PDPN: variants seen among roughly 807,000 people sequenced by gnomAD.
PDPN encodes podoplanin, also known as PA2.26 antigen.
PDPN carries 12 observed loss-of-function variants against 23.2 expected under a neutral mutation model. The observed-to-expected ratio is 0.52, with a 90% confidence interval of 0.33 to 0.84. The LOEUF (loss-of-function observed/expected upper bound fraction) is 0.84. Among genes scored for constraint, PDPN ranks in the 40% least tolerant of loss-of-function variants. PDPN has a pLI of 0.02. For synonymous variants in PDPN, 77 were observed against 76.7 expected, an observed-to-expected ratio of 1.00 and a Z score of -0.02; for missense variants, 199 against 212.2, an observed-to-expected ratio of 0.94 and a Z score of 0.39.
At position 13,584,113 on chromosome 1, in the gene PDPN, G is replaced by A. The variant is rs752879040; in HGVS notation, c.67+13G>A. ...CTGGCAGAAGGAGGTAAGACCCAGC[G>A]CAAGTGGCTTCCTGCCGTCGCTGAT... On this transcript the variant is annotated intron_variant, in intron 1 of 5. Transcript: ENST00000621990. The A allele has an allele frequency of 1.9e-6, 3 of 1,612,316 alleles. No individual in the cohort carries two copies. The highest frequency in any genetic ancestry group is 1.1e-5 in the South Asian group (1 of 91,062).
At position 13,614,358 on chromosome 1, in the gene PDPN, C is replaced by A; in HGVS notation, c.429C>A (p.Gly143=). ...TAGTTGGGGTCTTACTAGCCATCGG[C>A]TTCATTGGTGCAATCATCGTTGTGG... ...GIIVGVLLAI[G]FIGAIIVVVM... The change falls in exon 5 of 6, where the codon GGC becomes GGA. Residue 143 remains glycine, a synonymous_variant. Transcript: ENST00000621990. 6.2e-7 allele frequency: 1 copy of A among 1,610,024 alleles called. No homozygotes were observed. The highest frequency in any genetic ancestry group is 8.5e-7 in the Non-Finnish European group (1 of 1,176,268).
intron 4 of PDPN, among the ~76,000 whole-genome samples, chr1:13,613,949 T>C (rs1217969825): frequency 6.6e-6 from 1 of 151,664 alleles, no homozygotes; most frequent in Non-Finnish European, 1.5e-5. Flanking sequence ...GATGAGTCTA[T>C]TCCCTTAATG....
intron 1 of PDPN, among the ~76,000 whole-genome samples, chr1:13,590,666 G>C (rs1248392242): frequency 6.6e-6 from 1 of 152,164 alleles, no homozygotes; most frequent in African/African-American, 2.4e-5. Flanking sequence ...GAGGCTGGGG[G>C]TTAGAAGGGT....
chr1:13,584,804 C>T (rs907489126), intron 1 of PDPN, among the ~76,000 whole-genome samples: 1 of 152,150 alleles, frequency 6.6e-6, no homozygotes, highest in African/African-American at 2.4e-5. Flanking sequence ...ACATCAGTGG[C>T]TGAATGTCTG....
chr1:13,615,435 A>G (rs765206839), intron 5 of PDPN, among the ~76,000 whole-genome samples: 3 of 151,698 alleles, frequency 2.0e-5, no homozygotes, highest in Non-Finnish European at 4.4e-5. Flanking sequence ...ACAGGCATGC[A>G]CCACCACACC....
chr1:13,609,369 C>T (rs1308133275), intron 2 of PDPN, among the ~76,000 whole-genome samples: 2 of 152,146 alleles, frequency 1.3e-5, no homozygotes, highest in Non-Finnish European at 2.9e-5. Context: ...ATATTATTCA[C>T]ATTATAGTCC....
intron 1 of PDPN, among the ~76,000 whole-genome samples, chr1:13,587,827 G>C (rs995440122): frequency 2.6e-5 from 4 of 152,164 alleles, no homozygotes; most frequent in Non-Finnish European, 4.4e-5. Flanking sequence ...GGAAAACAAG[G>C]TGACTGTTTC....
intron 3 of PDPN, among the ~76,000 whole-genome samples, chr1:13,610,919 A>G (rs1464357288): frequency 6.6e-6 from 1 of 152,244 alleles, no homozygotes; most frequent in Non-Finnish European, 1.5e-5. Flanking sequence ...GTCTGCATGC[A>G]TGGTGCAAGA....
In PDPN at chr1:13,614,412, G is replaced by T; in HGVS notation, c.482+1G>T. ...TGCGAAAAATGTCGGGAAGGTACTC[G>T]TAAGTAAATAGCTTACACCCATGTG... On this transcript the variant is annotated splice_donor_variant, in intron 5 of 5. Coordinates refer to ENST00000621990, the MANE Select transcript of PDPN (RefSeq NM_006474.5). LOFTEE classifies it high-confidence loss of function. 6.9e-7 allele frequency: 1 copy of T among 1,439,982 alleles called. No homozygotes were observed. The highest frequency in any genetic ancestry group is 2.3e-5 in the East Asian group (1 of 43,990). 89.2% of individuals were successfully genotyped at this position (1,439,982 alleles called of 1,614,324 possible). A position where few individuals can be genotyped will look rare whatever the true frequency, so the allele number is the denominator to read the frequency against.
At chr1:13,599,917 G>A (rs1218634782) in intron 1 of PDPN, among the ~76,000 whole-genome samples, 2 of 152,152 alleles carry the variant, frequency 1.3e-5, no homozygotes, top group Non-Finnish European at 2.9e-5. Context: ...ACAGTTAAGC[G>A]GGGAGAGGGC....
chr1:13,605,740 A>C (rs1038363137), intron 1 of PDPN, among the ~76,000 whole-genome samples: 2 of 152,076 alleles, frequency 1.3e-5, no homozygotes, highest in African/African-American at 4.8e-5. Flanking sequence ...CTCCTGCCTC[A>C]GCCTCCCAAG....
chr1:13,596,414 A>G (rs1640498496), intron 1 of PDPN, among the ~76,000 whole-genome samples: 1 of 152,106 alleles, frequency 6.6e-6, no homozygotes, highest in Non-Finnish European at 1.5e-5. Flanking sequence ...AGATTAATTC[A>G]CAGTTCTCTA....
chr1:13,588,198 G>A (rs1457882052), intron 1 of PDPN, among the ~76,000 whole-genome samples: 2 of 151,924 alleles, frequency 1.3e-5, no homozygotes. Flanking sequence ...CATCCAGAGA[G>A]GCCAGGCCAC....
At position 13,607,372 on chromosome 1, in the gene PDPN, A is replaced by G. The variant is rs949325759; in HGVS notation, c.201+66A>G. The G allele has an allele frequency of 5.8e-6, 7 of 1,204,156 alleles. No individual in the cohort carries two copies. In the African/African-American group the frequency reaches 9.4e-5, roughly 16 times the overall value. The allele number at this position is 1,204,156 out of a possible 1,614,324, so 74.6% of individuals were successfully genotyped here. A position where few individuals can be genotyped will look rare whatever the true frequency, so the allele number is the denominator to read the frequency against. ...GTGATCACATGCAAGGCTATGATGT[A>G]TATTAATTTACTTTATATAAAAATA... On this transcript the variant is annotated intron_variant, in intron 2 of 5. Transcript: ENST00000621990.
chr1:13,595,855 A>G (rs1164804979), intron 1 of PDPN: 1 of 1,288,012 alleles, frequency 7.8e-7, no homozygotes, highest in African/African-American at 1.5e-5. Flanking sequence ...TCGGGGGTGA[A>G]GCCTGGTGGA....
Position 13,616,058 on chromosome 1 carries a change from C to T in PDPN, c.*147C>T, listed in dbSNP as rs543876980. 1.4e-6 allele frequency: 1 copy of T among 720,422 alleles called. No homozygotes were observed. The highest frequency in any genetic ancestry group is 1.8e-5 in the African/African-American group (1 of 56,344). 44.6% of individuals were successfully genotyped at this position (720,422 alleles called of 1,614,324 possible). ...AATCCACGGTGACCTCTCCGCTTGC[C>T]AAAATAACCGAAGGAAAGACCGTTC... is the stretch of plus-strand genomic sequence containing the variant. On this transcript the variant is annotated 3_prime_UTR_variant, in exon 6 of 6. Transcript: ENST00000621990.
intron 5 of PDPN, 134 bp from the exon 6 acceptor site, chr1:13,615,771 A>G: frequency 2.3e-6 from 2 of 860,284 alleles, no homozygotes; most frequent in Non-Finnish European, 3.9e-6. Context: ...GAGGAATGTC[A>G]GGAACAAGAG....
At chr1:13,609,695 T>C (rs1570053366) in intron 2 of PDPN, among the ~76,000 whole-genome samples, 1 of 152,230 alleles carries the variant, frequency 6.6e-6, no homozygotes, top group East Asian at 1.9e-4. Flanking sequence ...TTGTCTTTTG[T>C]GACTGGTTTA....
chr1:13,610,483 A>C lies in PDPN; in HGVS notation c.298A>C (p.Thr100Pro). ...VHAQEQSPSATASNVATSHST... is the reference protein window; with the variant it reads ...VHAQEQSPSAPASNVATSHST... ...CGCGCAAGAACAAAGTCCAAGCGCC[A>C]CAGCCTCAAACGTGGCCACCAGTCA... Residue 100 changes from threonine (T) to proline (P), a missense_variant, in exon 3 of 6, where the codon ACA becomes CCA. Thr to Pro is a conservative substitution (Grantham distance 38, BLOSUM62 -1). Transcript: ENST00000621990. The C allele has an allele frequency of 1.2e-6, 2 of 1,614,000 alleles. No homozygotes were observed. Among genetic ancestry groups the C allele is most frequent in the Non-Finnish European group, 1.7e-6 (2 of 1,179,882 alleles).
Sources: allele counts gnomAD v4.1 joint callset (sites outside exome capture counted in the v4.1 genomes callset), GRCh38; gene constraint gnomAD v4.1.1; transcripts MANE v1.5; gene names NCBI Gene and HGNC (gene_info 2026-07-23, HGNC 2026-07-21).